The following ADGRD2 variants were observed in gnomAD, a reference collection of about 807,000 sequenced individuals.
The protein encoded by ADGRD2 is adhesion G protein-coupled receptor D2, also known as G protein-coupled receptor PGR24.
Under a neutral mutation model 44.4 loss-of-function variants are expected in ADGRD2, and 71 were observed. The observed-to-expected ratio is 1.60, with a 90% CI of 1.32 to 1.95. The LOEUF (loss-of-function observed/expected upper bound fraction) is 1.95. ADGRD2 is among the 30% of genes most tolerant of loss of function. The pLI is 0.00. For missense variants in ADGRD2, 1,039 were observed against 512.4 expected (o/e 2.03, Z -9.92); for synonymous variants, 481 against 224.8 (o/e 2.14, Z -10.19).
upstream of ADGRD2, chr9:124,451,162 G>A (rs760414006): frequency 1.8e-4 from 87 of 472,230 alleles, no homozygotes; most frequent in Non-Finnish European, 3.6e-4. Context: ...ACCTTGGGGA[G>A]CAGGGGAAAG....
At chr9:124,472,432 GTTTT>G (rs1258417091) in intron 17 of ADGRD2, among the ~76,000 whole-genome samples, 13 of 151,208 alleles carry the variant, frequency 8.6e-5, no homozygotes, top group African/African-American at 2.9e-4. Context: ...ACACTGGTTT[GTTTT>G]TTTGTTTGTT....
chr9:124,463,240 G>A (rs10818973), intron 10 of ADGRD2, among the ~76,000 whole-genome samples: 88,557 of 152,012 alleles, frequency 0.58, 25,934 homozygotes, highest in Middle Eastern at 0.69. Flanking sequence ...ATGTTGATAT[G>A]ATCATATGGG....
chr9:124,476,825 G>A (rs1832057432), intron 21 of ADGRD2, 116 bp downstream of exon 24: 2 of 675,050 alleles, frequency 3.0e-6, no homozygotes, highest in South Asian at 1.6e-5. Flanking sequence ...TCCCGCAATT[G>A]CAGAGGCCCT....
chr9:124,474,298 AG>A (rs1832005776), intron 17 of ADGRD2, among the ~76,000 whole-genome samples: 2 of 149,384 alleles, frequency 1.3e-5, no homozygotes, highest in Non-Finnish European at 3.0e-5. Context: ...AAAAAAAAAA[AG>A]AGCTCAGATT....
At position 124,453,686 on chromosome 9, in the gene ADGRD2, G is replaced by GGCCCCCC; in HGVS notation, c.923+10_923+11insGCCCCCC. 1 of 650,460 alleles carries GGCCCCCC rather than the reference G, an allele frequency of 1.5e-6. No individual in the cohort carries two copies. Among genetic ancestry groups the GGCCCCCC allele is most frequent in the Non-Finnish European group, 2.8e-6 (1 of 361,952 alleles). The allele number at this position is 650,460 out of a possible 1,614,324, so 40.3% of individuals were successfully genotyped here. On this transcript the variant is annotated intron_variant, in intron 3 of 21. Coordinates refer to ENST00000334810, the Ensembl canonical transcript of ADGRD2. ...CGCCTTCTCTGTCCCGGTACGACCC[G>GGCCCCCC]CCCCGCCCCGGCCCCACCCCATGGC...
At chr9:124,456,360 C>T (rs974095691) in intron 6 of ADGRD2, among the ~76,000 whole-genome samples, 1 of 152,346 alleles carries the variant, frequency 6.6e-6, no homozygotes, top group African/African-American at 2.4e-5. Flanking sequence ...GCCCAGCCTT[C>T]GGAGTGTGCC....
chr9:124,452,091 A>G, exon 1 of ADGRD2: 1 of 690,172 alleles, frequency 1.4e-6, no homozygotes. Context: ...TCTCTCCCAG[A>G]TCAGGAGTCT....
chr9:124,475,137 C>A (rs930433920), intron 17 of ADGRD2, among the ~76,000 whole-genome samples: 2 of 152,246 alleles, frequency 1.3e-5, no homozygotes, highest in Non-Finnish European at 2.9e-5. Flanking sequence ...CATGGCGAGG[C>A]GGTGAGGATG....
chr9:124,475,003 T>C (rs1243299968), intron 17 of ADGRD2, among the ~76,000 whole-genome samples: 1 of 152,096 alleles, frequency 6.6e-6, no homozygotes, highest in Non-Finnish European at 1.5e-5. Flanking sequence ...AGACAGAGGC[T>C]CAGGGAGGTG....
chr9:124,452,789 C>A, intron 2 of ADGRD2, 67 bp downstream of exon 5: 1 of 668,258 alleles, frequency 1.5e-6, no homozygotes, highest in Non-Finnish European at 2.7e-6. Context: ...GATATAGGAG[C>A]CCACAGTGAC....
chr9:124,460,587 T>G (rs1354373127), intron 10 of ADGRD2, among the ~76,000 whole-genome samples: 1 of 151,116 alleles, frequency 6.6e-6, no homozygotes, highest in Admixed American at 6.6e-5. Context: ...TGGCTTTTGC[T>G]CAGGTCTCAT....
intron 17 of ADGRD2, among the ~76,000 whole-genome samples, chr9:124,472,667 T>A (rs1000207727): frequency 7.2e-5 from 11 of 152,096 alleles, no homozygotes; most frequent in Middle Eastern, 3.4e-3. Flanking sequence ...CCACCACGCC[T>A]GGATAATTTT....
intron 19 of ADGRD2, 118 bp from the exon 23 acceptor site, chr9:124,476,239 G>T (rs553645382): frequency 2.0e-4 from 117 of 594,040 alleles, no homozygotes; most frequent in Admixed American, 3.9e-4. Context: ...AATCTGTGAG[G>T]TAAACCTTGG....
intron 17 of ADGRD2, among the ~76,000 whole-genome samples, chr9:124,473,700 CCA>C (rs1181116158): frequency 2.6e-5 from 4 of 152,206 alleles, no homozygotes; most frequent in Non-Finnish European, 4.4e-5. Context: ...AGCCACACAA[CCA>C]CAGTGTGTCA....
At chr9:124,475,213 G>A (rs1832021297) in intron 17 of ADGRD2, among the ~76,000 whole-genome samples, 1 of 152,242 alleles carries the variant, frequency 6.6e-6, no homozygotes, top group African/African-American at 2.4e-5. Context: ...GAAGCTGAAG[G>A]CTGGGGTTGC....
In ADGRD2 at chr9:124,463,872, C is replaced by T. The variant is rs190387707; in HGVS notation, c.1871-2386C>T. On this transcript the variant is annotated intron_variant, in intron 10 of 21. Coordinates refer to ENST00000334810, the Ensembl canonical transcript of ADGRD2. Reference sequence around the variant, plus strand: ...TTTATTTTTGAGACAGTCTCTCCCTCTGTTGCCCAGGCTGGAGTGCGGTGG... The same window carrying T: ...TTTATTTTTGAGACAGTCTCTCCCTTTGTTGCCCAGGCTGGAGTGCGGTGG... 2.8e-3 allele frequency among the ~76,000 whole-genome samples: 426 copies of T among 152,240 alleles called. 7 individuals carry two copies. Among genetic ancestry groups the T allele is most frequent in the African/African-American group, 9.3e-3 (388 of 41,546 alleles).
chr9:124,453,628 G>C (rs1343055660), exon 3 of ADGRD2: 6 of 701,448 alleles, frequency 8.6e-6, no homozygotes, highest in Admixed American at 4.0e-5. Flanking sequence ...CGCCCTGGAC[G>C]TCACGCCCTC....
At chr9:124,470,599 C>T in exon 17 of ADGRD2, 1 of 707,334 alleles carries the variant, frequency 1.4e-6, no homozygotes. Flanking sequence ...CTGCCGTGGG[C>T]CTCAACTCCA....
At chr9:124,468,403 G>A in intron 13 of ADGRD2, 116 bp from the exon 17 acceptor site, 2 of 698,994 alleles carry the variant, frequency 2.9e-6, no homozygotes, top group Non-Finnish European at 2.6e-6. Flanking sequence ...CTACCCAGAG[G>A]CCTCACCCAC....
Sources: allele counts gnomAD v4.1 joint callset (sites outside exome capture counted in the v4.1 genomes callset), GRCh38; gene constraint gnomAD v4.1.1; transcripts MANE v1.5; gene names NCBI Gene and HGNC (gene_info 2026-07-23, HGNC 2026-07-21).